The following DLG2 variants were observed in gnomAD, a reference collection of about 807,000 sequenced individuals.
DLG2 encodes the protein discs large MAGUK scaffold protein 2.
In DLG2, 45 loss-of-function variants were observed where a neutral mutation model predicts 132.5. The observed-to-expected ratio is 0.34, with a 90% CI of 0.27 to 0.44. The LOEUF is 0.44. Ranked by LOEUF, DLG2 falls within the 20% of genes least tolerant of loss-of-function variation. The pLI is 1.00. For missense variants in DLG2, 1,045 were observed against 1,196.9 expected, an observed-to-expected ratio of 0.87 and a Z score of 1.87; for synonymous variants, 424 against 419.6, an observed-to-expected ratio of 1.01 and a Z score of -0.13.
intron 6 of DLG2, among the ~76,000 whole-genome samples, chr11:85,049,543 T>G (rs1228364365): frequency 6.6e-6 from 1 of 152,058 alleles, no homozygotes; most frequent in Non-Finnish European, 1.5e-5. Context: ...CTCTACACAC[T>G]AGATGCCAGT....
At chr11:84,712,134 C>G (rs770352093) in intron 6 of DLG2, among the ~76,000 whole-genome samples, 17 of 151,954 alleles carry the variant, frequency 1.1e-4, no homozygotes, top group Admixed American at 7.9e-4. Flanking sequence ...TAAAACTTTC[C>G]CTGGATATCC....
At chr11:84,385,293 A>G (rs541092762) in intron 7 of DLG2, among the ~76,000 whole-genome samples, 1 of 152,256 alleles carries the variant, frequency 6.6e-6, no homozygotes, top group Non-Finnish European at 1.5e-5. Flanking sequence ...ATACATTGCT[A>G]CAAGTCACAG....
chr11:85,297,453 T>C (rs1034396976), intron 3 of DLG2, among the ~76,000 whole-genome samples: 21 of 152,144 alleles, frequency 1.4e-4, no homozygotes, highest in East Asian at 1.2e-3. Flanking sequence ...CAGGACCCCA[T>C]AGTCAAACCA....
intron 7 of DLG2, among the ~76,000 whole-genome samples, chr11:84,506,689 A>C (rs1034856607): frequency 1.1e-4 from 16 of 152,242 alleles, no homozygotes; most frequent in African/African-American, 3.9e-4. Context: ...TTATACCATG[A>C]AGCTTGTGGT....
chr11:84,010,733 C>A (rs1203372821), intron 11 of DLG2, among the ~76,000 whole-genome samples: 3 of 151,906 alleles, frequency 2.0e-5, no homozygotes, highest in Non-Finnish European at 2.9e-5. Flanking sequence ...AATTTGATAC[C>A]AATAGCAAAA....
intron 18 of DLG2, among the ~76,000 whole-genome samples, chr11:83,770,882 T>C (rs1235997481): frequency 6.6e-6 from 1 of 152,176 alleles, no homozygotes; most frequent in African/African-American, 2.4e-5. Context: ...AAAATCCACT[T>C]TTTTTGCTTT....
intron 4 of DLG2, among the ~76,000 whole-genome samples, chr11:85,254,820 G>A (rs1429995226): frequency 5.9e-5 from 9 of 151,990 alleles, no homozygotes; most frequent in Admixed American, 5.9e-4. Flanking sequence ...CTAACATGGT[G>A]AAACCCCGTC....
intron 6 of DLG2, among the ~76,000 whole-genome samples, chr11:85,038,145 G>C (rs1385011767): frequency 1.3e-5 from 2 of 152,064 alleles, no homozygotes; most frequent in African/African-American, 2.4e-5. Flanking sequence ...GATGATTCTA[G>C]ACCTCATGAT....
intron 6 of DLG2, among the ~76,000 whole-genome samples, chr11:84,750,754 T>C (rs1421606146): frequency 6.6e-6 from 1 of 152,142 alleles, no homozygotes; most frequent in African/African-American, 2.4e-5. Flanking sequence ...CGACAAACCA[T>C]AGAAAGTCAA....
intron 16 of DLG2, among the ~76,000 whole-genome samples, chr11:83,863,034 T>A (rs541700914): frequency 2.0e-5 from 3 of 152,294 alleles, no homozygotes; most frequent in Admixed American, 2.0e-4. Context: ...GTGGCAGAGA[T>A]ATGATCTGTT....
chr11:85,431,713 C>T (rs1443735718), intron 3 of DLG2, among the ~76,000 whole-genome samples: 1 of 152,256 alleles, frequency 6.6e-6, no homozygotes, highest in Non-Finnish European at 1.5e-5. Context: ...TCTCCATGAA[C>T]CAGCAGACAT....
At chr11:84,632,985 T>C (rs2099634640) in intron 6 of DLG2, among the ~76,000 whole-genome samples, 1 of 152,238 alleles carries the variant, frequency 6.6e-6, no homozygotes, top group Non-Finnish European at 1.5e-5. Flanking sequence ...ATAGCTTTTC[T>C]TTCTTGAGTA....
At chr11:84,966,630 G>A (rs1321442221) in intron 6 of DLG2, among the ~76,000 whole-genome samples, 1 of 152,082 alleles carries the variant, frequency 6.6e-6, no homozygotes, top group Admixed American at 6.6e-5. Context: ...GATATTTTTA[G>A]AAAGGCAACT....
At chr11:85,298,404 A>T (rs1359666625) in intron 3 of DLG2, among the ~76,000 whole-genome samples, 1 of 152,200 alleles carries the variant, frequency 6.6e-6, no homozygotes, top group African/African-American at 2.4e-5. Flanking sequence ...GTGTGCTCAG[A>T]GTGAACATCA....
rs192504031 is a variant in DLG2 at position 84,793,070 on chromosome 11, T to C, written c.358-258339A>G. On this transcript the variant is annotated intron_variant, in intron 6 of 27. Transcript: ENST00000376104. ...TTATAGCTATAAATTTCCCACTTAGTACTGCTTTCACTGTATCCCATAGGT... is the reference window on the plus strand; with the variant it reads ...TTATAGCTATAAATTTCCCACTTAGCACTGCTTTCACTGTATCCCATAGGT... Among the ~76,000 whole-genome samples the C allele has an allele frequency of 2.6e-5, 4 of 152,276 alleles. No homozygotes were observed. In the East Asian group the frequency reaches 7.7e-4, roughly 29 times the overall value.
At chr11:84,321,175 A>T (rs2098402312) in intron 7 of DLG2, among the ~76,000 whole-genome samples, 1 of 152,150 alleles carries the variant, frequency 6.6e-6, no homozygotes, top group South Asian at 2.1e-4. Context: ...GTATTTGTAT[A>T]CTTGTCTGTG....
chr11:84,626,934 C>T (rs1242590742), intron 6 of DLG2, among the ~76,000 whole-genome samples: 3 of 149,958 alleles, frequency 2.0e-5, no homozygotes, highest in Non-Finnish European at 4.4e-5. Flanking sequence ...TGCAGAGGCA[C>T]AATCTCAGCT....
intron 3 of DLG2, among the ~76,000 whole-genome samples, chr11:85,483,351 C>T (rs1428597933): frequency 6.6e-6 from 1 of 151,974 alleles, no homozygotes; most frequent in Non-Finnish European, 1.5e-5. Context: ...AAAAAATGTG[C>T]CAACTAAGAA....
intron 18 of DLG2, among the ~76,000 whole-genome samples, chr11:83,675,071 ACAATC>A (rs2077459143): frequency 6.6e-6 from 1 of 152,214 alleles, no homozygotes; most frequent in Non-Finnish European, 1.5e-5. Context: ...AAGTGGAAAA[ACAATC>A]CAAAGTGTAG....
Sources: gnomAD v4.1 joint callset for allele counts (sites outside exome capture counted in the v4.1 genomes callset) on GRCh38, gnomAD v4.1.1 for gene constraint, MANE v1.5 for transcripts, NCBI Gene and HGNC (gene_info 2026-07-23, HGNC 2026-07-21) for gene names.